The following PTPRD variants were observed in gnomAD, a reference collection of about 807,000 sequenced individuals.
The protein encoded by PTPRD is protein tyrosine phosphatase receptor type D.
Under a neutral mutation model 214.5 loss-of-function variants are expected in PTPRD, and 34 were observed. The ratio of observed to expected loss-of-function variants is 0.16; its 90% CI spans 0.12 to 0.21. PTPRD has a LOEUF of 0.21. Among genes scored for constraint, PTPRD ranks in the 10% least tolerant of loss-of-function variants. The pLI is 1.00. For missense variants in PTPRD, 2,545 were observed against 2,398.7 expected, an observed-to-expected ratio of 1.06 and a Z score of -1.27; for synonymous variants, 1,128 against 845.7, an observed-to-expected ratio of 1.33 and a Z score of -5.79.
chr9:8,679,455 A>G (rs554729796), intron 12 of PTPRD, among the ~76,000 whole-genome samples: 2 of 152,346 alleles, frequency 1.3e-5, no homozygotes, highest in African/African-American at 4.8e-5. Context: ...GAATGATGTC[A>G]GCAAAAGTTT....
intron 7 of PTPRD, among the ~76,000 whole-genome samples, chr9:9,678,505 A>C (rs1358229227): frequency 6.6e-6 from 1 of 152,062 alleles, no homozygotes; most frequent in African/African-American, 2.4e-5. Context: ...AAGAGCTCCT[A>C]GAAAACTTAC....
In PTPRD at chr9:8,499,553, A is replaced by T. The variant is rs74992491; in HGVS notation, c.2322+94T>A. The stretch of plus-strand genomic sequence containing the variant: ...ACTAGAATTTTGTATAGGATTTTTT[A>T]AATGTCGAAAAACTAAAATAAGAGC... On this transcript the variant is annotated intron_variant, in intron 25 of 45. Coordinates refer to ENST00000381196, the MANE Select transcript of PTPRD (RefSeq NM_002839.4). The T allele has an allele frequency of 6.3e-4, 829 of 1,311,246 alleles. 8 individuals carry two copies. The East Asian group carries it at 0.017, about 27-fold the overall frequency. The allele number at this position is 1,311,246 out of a possible 1,614,324, so 81.2% of individuals were successfully genotyped here.
chr9:9,388,152 G>A lies in PTPRD; in HGVS notation c.-203+9297C>T, dbSNP rs549891034. Among the ~76,000 whole-genome samples the A allele has an allele frequency of 3.3e-5, 5 of 152,234 alleles. No individual in the cohort carries two copies. The East Asian group carries it at 5.8e-4, about 18-fold the overall frequency. ...AAACTGGTTTTCCCCATGACCAGCCGCTTGTGTCTTCTTCCATTGACATGT... is the reference window on the plus strand; with the variant it reads ...AAACTGGTTTTCCCCATGACCAGCCACTTGTGTCTTCTTCCATTGACATGT... On this transcript the variant is annotated intron_variant, in intron 9 of 45. Transcript: ENST00000381196.
At chr9:10,182,706 G>T (rs2099306325) in intron 3 of PTPRD, among the ~76,000 whole-genome samples, 1 of 152,164 alleles carries the variant, frequency 6.6e-6, no homozygotes, top group African/African-American at 2.4e-5. Context: ...GGCAAAAAAT[G>T]TAAAGGAAGA....
intron 9 of PTPRD, among the ~76,000 whole-genome samples, chr9:9,248,917 C>A (rs955587607): frequency 6.6e-6 from 1 of 152,024 alleles, no homozygotes; most frequent in East Asian, 1.9e-4. Context: ...TCAGTACTAG[C>A]TGGTAAAGTG....
intron 14 of PTPRD, among the ~76,000 whole-genome samples, chr9:8,602,148 A>C (rs1212254683): frequency 6.6e-6 from 1 of 152,206 alleles, no homozygotes; most frequent in Non-Finnish European, 1.5e-5. Flanking sequence ...AATGTCCAAT[A>C]AACTGGTGAA....
chr9:8,977,486 C>G (rs990662695), intron 11 of PTPRD, among the ~76,000 whole-genome samples: 1 of 152,032 alleles, frequency 6.6e-6, no homozygotes, highest in African/African-American at 2.4e-5. Context: ...CCCATAAGGG[C>G]TCTATGTGCT....
At chr9:10,174,052 C>CT (rs2099229748) in intron 3 of PTPRD, among the ~76,000 whole-genome samples, 4 of 152,026 alleles carry the variant, frequency 2.6e-5, no homozygotes, top group Admixed American at 2.6e-4. Context: ...CAGTAATGAG[C>CT]TTTTGTTTGG....
At chr9:9,992,767 AG>A (rs990406664) in intron 4 of PTPRD, among the ~76,000 whole-genome samples, 1 of 150,804 alleles carries the variant, frequency 6.6e-6, no homozygotes, top group African/African-American at 2.4e-5. Flanking sequence ...ACATGGACAC[AG>A]GGTGGGGAAC....
At chr9:9,916,064 T>C (rs545310966) in intron 5 of PTPRD, among the ~76,000 whole-genome samples, 11 of 148,760 alleles carry the variant, frequency 7.4e-5, no homozygotes, top group Middle Eastern at 3.5e-3. Context: ...AGGCGATATA[T>C]CCAAAGTACT....
At chr9:8,463,308 C>CAAAAAAA (rs71308864) in intron 32 of PTPRD, among the ~76,000 whole-genome samples, 2 of 28,858 alleles carry the variant, frequency 6.9e-5, no homozygotes, top group African/African-American at 9.8e-5. Flanking sequence ...CAGAGGCAGC[C>CAAAAAAA]AAAAAAAAAA....
intron 33 of PTPRD, among the ~76,000 whole-genome samples, chr9:8,450,739 T>C (rs2095904317): frequency 6.6e-6 from 1 of 152,216 alleles, no homozygotes; most frequent in African/African-American, 2.4e-5. Context: ...GTATATAAGA[T>C]TTCTTTATCC....
At chr9:9,105,533 G>T (rs1342761663) in intron 10 of PTPRD, among the ~76,000 whole-genome samples, 1 of 152,124 alleles carries the variant, frequency 6.6e-6, no homozygotes, top group African/African-American at 2.4e-5. Context: ...CTCAGACTCA[G>T]CATATTGTCT....
At chr9:10,255,332 C>G (rs1188853600) in intron 3 of PTPRD, among the ~76,000 whole-genome samples, 2 of 152,308 alleles carry the variant, frequency 1.3e-5, no homozygotes, top group Admixed American at 1.3e-4. Flanking sequence ...ACCTATTGCT[C>G]CGAGGCTACA....
rs572054207 is a variant in PTPRD at position 9,479,875 on chromosome 9, G to C, written c.-236-82393C>G. Among the ~76,000 whole-genome samples, 30 of 152,194 alleles carry C rather than the reference G, an allele frequency of 2.0e-4. 1 individual carries two copies. Among genetic ancestry groups the C allele is most frequent in the Admixed American group, 7.9e-4 (12 of 15,264 alleles). ...AATTTTCTAATGAAGATGGCTGCAG[G>C]CTTATAGAAACTGACAATACTGAAT... On this transcript the variant is annotated intron_variant, in intron 8 of 45. Coordinates refer to ENST00000381196, the MANE Select transcript of PTPRD (RefSeq NM_002839.4).
intron 44 of PTPRD, among the ~76,000 whole-genome samples, chr9:8,321,477 GTGTGTGTGTGTATA>G (rs1453216930): frequency 5.3e-3 from 398 of 75,280 alleles, no homozygotes; most frequent in East Asian, 0.016. Context: ...GTGTGTGTGT[GTGTGTGTGTGTATA>G]TATATATATA....
intron 30 of PTPRD, among the ~76,000 whole-genome samples, chr9:8,475,586 T>G (rs1368296440): frequency 6.6e-6 from 1 of 152,182 alleles, no homozygotes; most frequent in Non-Finnish European, 1.5e-5. Context: ...TGACTTTAAG[T>G]TACAAAAGTA....
intron 2 of PTPRD, among the ~76,000 whole-genome samples, chr9:10,439,909 T>A (rs1588211158): frequency 6.6e-6 from 1 of 151,714 alleles, no homozygotes; most frequent in East Asian, 1.9e-4. Flanking sequence ...TTAAATTGGG[T>A]TGAAATTTTT....
intron 5 of PTPRD, among the ~76,000 whole-genome samples, chr9:9,903,043 G>T (rs1301302382): frequency 6.6e-6 from 1 of 151,236 alleles, no homozygotes; most frequent in Non-Finnish European, 1.5e-5. Flanking sequence ...AAAAATCAAG[G>T]ATTTTACATA....
Sources: allele counts gnomAD v4.1 joint callset (sites outside exome capture counted in the v4.1 genomes callset), GRCh38; gene constraint gnomAD v4.1.1; transcripts MANE v1.5; gene names NCBI Gene and HGNC (gene_info 2026-07-23, HGNC 2026-07-21).